Variants in OSBPL8 observed in about 807,000 individuals in gnomAD.
The protein encoded by OSBPL8 is oxysterol-binding protein-related protein 8.
OSBPL8 carries 59 observed loss-of-function variants against 125.5 expected under a neutral mutation model. That is an observed-to-expected ratio of 0.47 (90% CI 0.38 to 0.58). The LOEUF (loss-of-function observed/expected upper bound fraction) is 0.58, where lower values mean the gene tolerates loss of function less well. Ranked by LOEUF, OSBPL8 falls within the 20% of genes least tolerant of loss-of-function variation. The probability of loss-of-function intolerance (pLI) is 0.00; values close to 1 mark genes in which losing one functional copy is unlikely to be tolerated. For missense variants in OSBPL8, 758 were observed against 1,047.8 expected, an observed-to-expected ratio of 0.72 and a Z score of 3.82; for synonymous variants, 330 against 338.9, an observed-to-expected ratio of 0.97 and a Z score of 0.29.
chr12:76,474,448 T>C (rs1012812727), intron 2 of OSBPL8, among the ~76,000 whole-genome samples: 6 of 152,094 alleles, frequency 3.9e-5, no homozygotes, highest in Admixed American at 3.9e-4. Flanking sequence ...TATATATATA[T>C]AATTTAATTT....
intron 1 of OSBPL8, among the ~76,000 whole-genome samples, chr12:76,547,983 T>G (rs1484744001): frequency 1.3e-5 from 2 of 152,168 alleles, no homozygotes; most frequent in African/African-American, 4.8e-5. Context: ...GGGACATAAG[T>G]GTATTTTAAC....
At chr12:76,448,885 C>A (rs974114125) in intron 4 of OSBPL8, among the ~76,000 whole-genome samples, 1 of 152,064 alleles carries the variant, frequency 6.6e-6, no homozygotes, top group Non-Finnish European at 1.5e-5. Context: ...TGGTGGCATG[C>A]GCCTGTAATT....
chr12:76,461,300 T>C (rs1031479291), intron 2 of OSBPL8, among the ~76,000 whole-genome samples: 1 of 152,128 alleles, frequency 6.6e-6, no homozygotes, highest in Non-Finnish European at 1.5e-5. Context: ...CAATCTCTTA[T>C]AGATTACCCT....
intron 2 of OSBPL8, among the ~76,000 whole-genome samples, chr12:76,465,793 G>GA (rs1565919358): frequency 2.6e-5 from 4 of 152,014 alleles, no homozygotes; most frequent in East Asian, 1.9e-4. Context: ...ATCACTTGAG[G>GA]TCAAGAGTTT....
intron 22 of OSBPL8, 40 bp downstream of exon 22, chr12:76,358,666 A>G (rs1468341302): frequency 6.8e-7 from 1 of 1,480,394 alleles, no homozygotes; most frequent in Non-Finnish European, 9.4e-7. Context: ...GTAGTAATTA[A>G]AAAGTTAGAC....
At chr12:76,508,274 A>G (rs1880622831) in intron 1 of OSBPL8, among the ~76,000 whole-genome samples, 2 of 152,258 alleles carry the variant, frequency 1.3e-5, no homozygotes, top group African/African-American at 4.8e-5. Context: ...TCAGATTGTA[A>G]ATAAGAACAA....
At chr12:76,478,931 A>C (rs1257198299) in intron 2 of OSBPL8, among the ~76,000 whole-genome samples, 1 of 152,084 alleles carries the variant, frequency 6.6e-6, no homozygotes, top group Non-Finnish European at 1.5e-5. Context: ...TAAAAATACA[A>C]AAAATTAGCC....
chr12:76,509,376 G>A (rs1880750254), intron 1 of OSBPL8, among the ~76,000 whole-genome samples: 1 of 152,128 alleles, frequency 6.6e-6, no homozygotes, highest in Non-Finnish European at 1.5e-5. Context: ...TGTATCTACA[G>A]TAGATTAAAT....
intron 1 of OSBPL8, among the ~76,000 whole-genome samples, chr12:76,500,853 T>C (rs946305659): frequency 2.0e-5 from 3 of 152,172 alleles, no homozygotes; most frequent in Admixed American, 2.0e-4. Flanking sequence ...CACATATATG[T>C]TTGGAACCAT....
intron 4 of OSBPL8, among the ~76,000 whole-genome samples, chr12:76,415,834 A>G (rs897946298): frequency 6.6e-6 from 1 of 152,196 alleles, no homozygotes; most frequent in Non-Finnish European, 1.5e-5. Context: ...ATAATAAATC[A>G]TACCACAGGT....
intron 3 of OSBPL8, among the ~76,000 whole-genome samples, chr12:76,456,620 T>C (rs1017575000): frequency 6.6e-6 from 1 of 152,056 alleles, no homozygotes; most frequent in African/African-American, 2.4e-5. Context: ...AAAAAGTGCA[T>C]TTAACTTTTG....
chr12:76,405,900 T>C (rs544140403), intron 5 of OSBPL8, among the ~76,000 whole-genome samples: 1 of 152,220 alleles, frequency 6.6e-6, no homozygotes, highest in Non-Finnish European at 1.5e-5. Context: ...TAGCATGTTA[T>C]ATATTTTTTA....
At chr12:76,467,302 TG>T (rs1485110734) in intron 2 of OSBPL8, among the ~76,000 whole-genome samples, 1 of 152,226 alleles carries the variant, frequency 6.6e-6, no homozygotes, top group Non-Finnish European at 1.5e-5. Flanking sequence ...GCTCTTTTCC[TG>T]CAGGTTCCAT....
intron 1 of OSBPL8, among the ~76,000 whole-genome samples, chr12:76,518,787 C>T (rs532545381): frequency 6.6e-6 from 1 of 152,342 alleles, no homozygotes; most frequent in East Asian, 1.9e-4. Context: ...TGAGCCGAGG[C>T]TGGAGCTGGA....
chr12:76,524,746 C>G (rs1272146849), intron 1 of OSBPL8, among the ~76,000 whole-genome samples: 1 of 150,094 alleles, frequency 6.7e-6, no homozygotes, highest in African/African-American at 2.5e-5. Context: ...TGCAGTGGCA[C>G]AATCCTGGCT....
chr12:76,376,195 CAAAGCA>C (rs1267724775), intron 16 of OSBPL8, among the ~76,000 whole-genome samples: 1 of 152,098 alleles, frequency 6.6e-6, no homozygotes, highest in Non-Finnish European at 1.5e-5. Context: ...AATGCATAAG[CAAAGCA>C]AACAAAAAAC....
intron 2 of OSBPL8, among the ~76,000 whole-genome samples, chr12:76,478,914 T>C (rs1195295950): frequency 2.0e-5 from 3 of 151,950 alleles, no homozygotes; most frequent in Non-Finnish European, 4.4e-5. Context: ...TGAAACTCCG[T>C]CTCTACTAAA....
Position 76,508,380 on chromosome 12 carries a change from G to A in OSBPL8, c.-67-20762C>T, listed in dbSNP as rs186308828. Among the ~76,000 whole-genome samples, 21 of 152,328 alleles carry A rather than the reference G, an allele frequency of 1.4e-4. 1 individual carries two copies. Among genetic ancestry groups the A allele is most frequent in the Admixed American group, 1.4e-3 (21 of 15,306 alleles). On this transcript the variant is annotated intron_variant, in intron 1 of 23. Transcript: ENST00000261183. ...TCAAGAACAGACTGCATGTATGGCAGTGGTCTCATTAAGATTTACTATGAA... is the reference window on the plus strand; with the variant it reads ...TCAAGAACAGACTGCATGTATGGCAATGGTCTCATTAAGATTTACTATGAA...
intron 4 of OSBPL8, chr12:76,422,913 A>G (rs558348150): frequency 2.9e-5 from 6 of 203,514 alleles, no homozygotes; most frequent in Non-Finnish European, 6.2e-5. Flanking sequence ...AGGCTATTCT[A>G]CTAATGTTTT....
Sources: allele counts gnomAD v4.1 joint callset (sites outside exome capture counted in the v4.1 genomes callset), GRCh38; gene constraint gnomAD v4.1.1; transcripts MANE v1.5; gene names NCBI Gene and HGNC (gene_info 2026-07-23, HGNC 2026-07-21).